SOX9: variants seen among roughly 807,000 people sequenced by gnomAD.
SOX9 encodes the protein transcription factor SOX-9.
SOX9 carries 2 observed loss-of-function variants against 44.8 expected under a neutral mutation model. The ratio of observed to expected loss-of-function variants is 0.04; its 90% CI spans 0.02 to 0.14. The LOEUF (loss-of-function observed/expected upper bound fraction) is 0.14, where lower values mean the gene tolerates loss of function less well. Among genes scored for constraint, SOX9 ranks in the 10% least tolerant of loss-of-function variants. The probability of loss-of-function intolerance (pLI) is 1.00; values close to 1 mark genes in which losing one functional copy is unlikely to be tolerated. For missense variants in SOX9, 583 were observed against 728.6 expected (o/e 0.80, Z 2.30); for synonymous variants, 381 against 331.8 (o/e 1.15, Z -1.61).
Position 72,124,023 on chromosome 17 carries a change from C to G in SOX9, c.1166C>G (p.Pro389Arg), listed in dbSNP as rs2143254947. 6.2e-7 allele frequency: 1 copy of G among 1,608,154 alleles called. No homozygotes were observed. Among genetic ancestry groups the G allele is most frequent in the Non-Finnish European group, 8.5e-7 (1 of 1,177,108 alleles). ...ACGCTGACCACGCTGAGCAGCGAGCCGGGCCAGTCCCAGCGAACGCACATC... is the reference window on the plus strand; with the variant it reads ...ACGCTGACCACGCTGAGCAGCGAGCGGGGCCAGTCCCAGCGAACGCACATC... ...AHTLTTLSSEPGQSQRTHIKT... is the reference protein window; with the variant it reads ...AHTLTTLSSERGQSQRTHIKT... The change falls in exon 3 of 3, where the codon CCG becomes CGG. Residue 389 changes from proline (P) to arginine (R), a missense_variant. Physicochemically the swap from Pro to Arg is moderately radical, Grantham distance 103. Transcript: ENST00000245479. This position sits in a 1 kb window ranked among gnomAD's most constrained non-coding sequence, Gnocchi z 4.6.
In SOX9 at chr17:72,121,528, C is replaced by T. The variant is rs1386891071; in HGVS notation, c.137C>T (p.Thr46Met). The T allele has an allele frequency of 6.2e-7, 1 of 1,608,928 alleles. No homozygotes were observed. Among genetic ancestry groups the T allele is most frequent in the Non-Finnish European group, 8.5e-7 (1 of 1,178,256 alleles). ...GGCTCCGGCTCGGACACCGAGAACA[C>T]GCGGCCCCAGGAGAACACGTTCCCC... is the stretch of plus-strand genomic sequence containing the variant. Reference protein sequence around the residue: ...PSGSGSDTENTRPQENTFPKG... With the variant: ...PSGSGSDTENMRPQENTFPKG... The change falls in exon 1 of 3, where the codon ACG (threonine) becomes ATG (methionine). Residue 46 changes from threonine to methionine, a missense_variant. By Grantham distance (81) the Thr-to-Met change is moderately conservative. Coordinates refer to ENST00000245479, the MANE Select transcript of SOX9 (RefSeq NM_000346.4). This position sits in a 1 kb window ranked among gnomAD's most constrained non-coding sequence, Gnocchi z 8.3.
rs780506015 is a variant in SOX9, at chr17:72,124,401, G to A, written c.*14G>A. On this transcript the variant is annotated 3_prime_UTR_variant, in exon 3 of 3. Transcript: ENST00000245479. The surrounding 1 kb of genome is among the most constrained non-coding windows in gnomAD (Gnocchi z 4.6). ...ACTCGACCTTGAGGAGGCCTCCCAC[G>A]AAGGGCGAAGATGGCCGAGATGATC... 2 of 1,599,878 alleles carry A rather than the reference G, an allele frequency of 1.3e-6. No individual in the cohort carries two copies. Among genetic ancestry groups the A allele is most frequent in the East Asian group, 2.2e-5 (1 of 44,872 alleles).
Position 72,122,964 on chromosome 17 carries a change from A to C in SOX9, c.677A>C (p.Glu226Ala). The C allele has an allele frequency of 6.2e-7, 1 of 1,613,404 alleles. No individual in the cohort carries two copies. Among genetic ancestry groups the C allele is most frequent in the Non-Finnish European group, 8.5e-7 (1 of 1,179,940 alleles). ...ATGAGCGAGGTGCACTCCCCCGGCG[A>C]GCACTCGGGTGAGTCGCCCCTCGAC... ...SGMSEVHSPGEHSGQSQGPPT... is the reference protein window; with the variant it reads ...SGMSEVHSPGAHSGQSQGPPT... Residue 226 changes from glutamate to alanine, a missense_variant, in exon 2 of 3, where the codon GAG (glutamate) becomes GCG (alanine). By Grantham distance (107) the Glu-to-Ala change is moderately radical. Coordinates refer to ENST00000245479, the MANE Select transcript of SOX9 (RefSeq NM_000346.4).
Position 72,122,199 on chromosome 17 carries a change from C to T in SOX9, c.431+377C>T, listed in dbSNP as rs545909648. On this transcript the variant is annotated intron_variant, in intron 1 of 2. Coordinates refer to ENST00000245479, the MANE Select transcript of SOX9 (RefSeq NM_000346.4). ...CCGGCCTCTTAAAACTGCACTCTCT[C>T]GTGCAGCCCCACTGTCCACGGAGAT... Among the ~76,000 whole-genome samples the T allele has an allele frequency of 1.0e-3, 158 of 152,056 alleles. 1 individual carries two copies. Among genetic ancestry groups the T allele is most frequent in the South Asian group, 0.01 (49 of 4,804 alleles).
At position 72,124,138 on chromosome 17, in the gene SOX9, C is replaced by T. The variant is rs1233957619; in HGVS notation, c.1281C>T (p.His427=). 1.9e-6 allele frequency: 3 copies of T among 1,613,780 alleles called. No individual in the cohort carries two copies. In the East Asian group the frequency reaches 6.7e-5, roughly 36 times the overall value. ...QIAYSPFNLP[H]YSPSYPPITR... Reference sequence around the variant, plus strand: ...CCTACAGCCCCTTCAACCTCCCACACTACAGCCCCTCCTACCCGCCCATCA... The same window carrying T: ...CCTACAGCCCCTTCAACCTCCCACATTACAGCCCCTCCTACCCGCCCATCA... Residue 427 remains histidine, a synonymous_variant, in exon 3 of 3, where the codon CAC becomes CAT. Transcript: ENST00000245479. This position sits in a 1 kb window ranked among gnomAD's most constrained non-coding sequence, Gnocchi z 4.6.
chr17:72,125,440 G>A lies in SOX9; in HGVS notation c.*1053G>A. On this transcript the variant is annotated 3_prime_UTR_variant, in exon 3 of 3. Coordinates refer to ENST00000245479, the MANE Select transcript of SOX9 (RefSeq NM_000346.4). The stretch of plus-strand genomic sequence containing the variant: ...GGCCCCATGTGGAAGGCAGATGCCT[G>A]CTCGCTCTGTCACCTGTGCCTCTCA... The A allele has an allele frequency of 4.4e-6, 1 of 229,834 alleles. No individual in the cohort carries two copies. The highest frequency in any genetic ancestry group is 2.2e-5 in the African/African-American group (1 of 45,186). 14.2% of individuals were successfully genotyped at this position (229,834 alleles called of 1,614,324 possible).
In SOX9 at chr17:72,122,929, C is replaced by G; in HGVS notation, c.642C>G (p.Ser214=). ...CGCTGCAGGCCGACTCGCCACACTC[C>G]TCCTCCGGCATGAGCGAGGTGCACT... ...FKALQADSPH[S]SSGMSEVHSP... is the part of the protein sequence containing the mutation. The change falls in exon 2 of 3, where the codon TCC becomes TCG. Residue 214 remains serine (S), a synonymous_variant. Transcript: ENST00000245479. 6.2e-7 allele frequency: 1 copy of G among 1,614,108 alleles called. No homozygotes were observed.
rs1360434009 is a variant in SOX9 at position 72,125,259 on chromosome 17, A to T, written c.*872A>T. The T allele has an allele frequency of 4.4e-6, 1 of 229,144 alleles. No homozygotes were observed. Among genetic ancestry groups the T allele is most frequent in the Non-Finnish European group, 8.7e-6 (1 of 115,406 alleles). 14.2% of individuals were successfully genotyped at this position (229,144 alleles called of 1,614,324 possible). A position where few individuals can be genotyped will look rare whatever the true frequency, so the allele number is the denominator to read the frequency against. On this transcript the variant is annotated 3_prime_UTR_variant, in exon 3 of 3. Coordinates refer to ENST00000245479, the MANE Select transcript of SOX9 (RefSeq NM_000346.4). The stretch of plus-strand genomic sequence containing the variant: ...AGCCTTAAAACGGTGCTGCTGGGAA[A>T]CATTTGCACTCTTTTAGTGCATTTC...
At position 72,122,959 on chromosome 17, in the gene SOX9, C is replaced by A. The variant is rs751227043; in HGVS notation, c.672C>A (p.Pro224=). ...SSSGMSEVHS[P]GEHSGQSQGP... ...CCGGCATGAGCGAGGTGCACTCCCCCGGCGAGCACTCGGGTGAGTCGCCCC... is the reference window on the plus strand; with the variant it reads ...CCGGCATGAGCGAGGTGCACTCCCCAGGCGAGCACTCGGGTGAGTCGCCCC... Residue 224 remains proline, a synonymous_variant, in exon 2 of 3, where the codon CCC becomes CCA. Coordinates refer to ENST00000245479, the MANE Select transcript of SOX9 (RefSeq NM_000346.4). 3 of 1,613,412 alleles carry A rather than the reference C, an allele frequency of 1.9e-6. No individual in the cohort carries two copies. The highest frequency in any genetic ancestry group is 2.5e-6 in the Non-Finnish European group (3 of 1,179,956).
At chr17:72,122,593 G>A in intron 1 of SOX9, 126 bp from the exon 2 acceptor site, 1 of 763,832 alleles carries the variant, frequency 1.3e-6, no homozygotes, top group Non-Finnish European at 2.2e-6. Context: ...AGGGAAGATG[G>A]AGTTGTGTGC....
chr17:72,121,640 C>A lies in SOX9; in HGVS notation c.249C>A (p.Gly83=), dbSNP rs1166872258. Reference sequence around the variant, plus strand: ...AGGCGGTCAGCCAGGTGCTCAAAGGCTACGACTGGACGCTGGTGCCCATGC... The same window carrying A: ...AGGCGGTCAGCCAGGTGCTCAAAGGATACGACTGGACGCTGGTGCCCATGC... ...IREAVSQVLK[G]YDWTLVPMPV... The change falls in exon 1 of 3, where the codon GGC becomes GGA. Residue 83 remains glycine (G), a synonymous_variant. Transcript: ENST00000245479. This position sits in a 1 kb window ranked among gnomAD's most constrained non-coding sequence, Gnocchi z 8.3. 23 of 1,600,744 alleles carry A rather than the reference C, an allele frequency of 1.4e-5. No homozygotes were observed. The highest frequency in any genetic ancestry group is 1.9e-5 in the Non-Finnish European group (22 of 1,174,106).
At position 72,124,262 on chromosome 17, in the gene SOX9, A is replaced by C. The variant is rs769269532; in HGVS notation, c.1405A>C (p.Met469Leu). ...GTGLYSTFTY[M>L]NPAQRPMYTP... ...CGGCCTCTACTCCACCTTCACCTAC[A>C]TGAACCCCGCTCAGCGCCCCATGTA... is the stretch of plus-strand genomic sequence containing the variant. Residue 469 changes from methionine (M) to leucine (L), a missense_variant, in exon 3 of 3, where the codon ATG becomes CTG. Met to Leu is a conservative substitution (Grantham distance 15). This residue lies in a region of SOX9 where 349 missense variants were observed against 387.0 expected (regional missense o/e 0.90). Transcript: ENST00000245479. The surrounding 1 kb of genome is among the most constrained non-coding windows in gnomAD (Gnocchi z 4.6). The C allele has an allele frequency of 1.2e-6, 2 of 1,612,534 alleles. No individual in the cohort carries two copies. The highest frequency in any genetic ancestry group is 4.5e-5 in the East Asian group (2 of 44,798).
Position 72,124,418 on chromosome 17 carries a change from G to A in SOX9, c.*31G>A, listed in dbSNP as rs1468245627. 3 of 1,598,370 alleles carry A rather than the reference G, an allele frequency of 1.9e-6. No homozygotes were observed. The highest frequency in any genetic ancestry group is 2.5e-6 in the Non-Finnish European group (3 of 1,178,832). ...CCTCCCACGAAGGGCGAAGATGGCCGAGATGATCCTAAAAATAACCGAAGA... is the reference window on the plus strand; with the variant it reads ...CCTCCCACGAAGGGCGAAGATGGCCAAGATGATCCTAAAAATAACCGAAGA... On this transcript the variant is annotated 3_prime_UTR_variant, in exon 3 of 3. Coordinates refer to ENST00000245479, the MANE Select transcript of SOX9 (RefSeq NM_000346.4). This position sits in a 1 kb window ranked among gnomAD's most constrained non-coding sequence, Gnocchi z 4.6.
At position 72,124,229 on chromosome 17, in the gene SOX9, C is replaced by A; in HGVS notation, c.1372C>A (p.Gln458Lys). 1 of 1,613,820 alleles carries A rather than the reference C, an allele frequency of 6.2e-7. No homozygotes were observed. Among genetic ancestry groups the A allele is most frequent in the Non-Finnish European group, 8.5e-7 (1 of 1,180,012 alleles). Reference sequence around the variant, plus strand: ...CTCCTACTACAGCCACGCGGCAGGCCAGGGCACCGGCCTCTACTCCACCTT... The same window carrying A: ...CTCCTACTACAGCCACGCGGCAGGCAAGGGCACCGGCCTCTACTCCACCTT... ...SSSYYSHAAG[Q>K]GTGLYSTFTY... The change falls in exon 3 of 3, where the codon CAG becomes AAG. Residue 458 changes from glutamine (Q) to lysine (K), a missense_variant. Gln to Lys is a moderately conservative substitution (Grantham distance 53). This residue lies in a region of SOX9 where 349 missense variants were observed against 387.0 expected (regional missense o/e 0.90). Transcript: ENST00000245479. This position sits in a 1 kb window ranked among gnomAD's most constrained non-coding sequence, Gnocchi z 4.6.
In SOX9 at chr17:72,124,112, G is replaced by T. The variant is rs1374439151; in HGVS notation, c.1255G>T (p.Ala419Ser). The change falls in exon 3 of 3, where the codon GCC becomes TCC. Residue 419 changes from alanine to serine, a missense_variant. Around this residue, in one of 7 missense-constraint regions of SOX9, gnomAD observed 349 missense variants for 387.0 expected, o/e 0.90. Coordinates refer to ENST00000245479, the MANE Select transcript of SOX9 (RefSeq NM_000346.4). The surrounding 1 kb of genome is among the most constrained non-coding windows in gnomAD (Gnocchi z 4.6). ...GCAGCAGCACTCGCCCCAACAGATCGCCTACAGCCCCTTCAACCTCCCACA... is the reference window on the plus strand; with the variant it reads ...GCAGCAGCACTCGCCCCAACAGATCTCCTACAGCCCCTTCAACCTCCCACA... ...EQQQHSPQQI[A>S]YSPFNLPHYS... 7 of 1,613,604 alleles carry T rather than the reference G, an allele frequency of 4.3e-6. No individual in the cohort carries two copies. Among genetic ancestry groups the T allele is most frequent in the Non-Finnish European group, 5.9e-6 (7 of 1,179,934 alleles).
rs1461299977 is a variant in SOX9, at chr17:72,123,271, C to T, written c.686-272C>T. ...CTCCCTTCTTCTCTGCTCCCCCACC[C>T]CAAAAGCACACACAGGGCTCTTACA... is the stretch of plus-strand genomic sequence containing the variant. On this transcript the variant is annotated intron_variant, in intron 2 of 2. Transcript: ENST00000245479. The surrounding 1 kb of genome is among the most constrained non-coding windows in gnomAD (Gnocchi z 6.5). Among the ~76,000 whole-genome samples the T allele has an allele frequency of 6.6e-6, 1 of 152,212 alleles. No individual in the cohort carries two copies. The highest frequency in any genetic ancestry group is 2.4e-5 in the African/African-American group (1 of 41,452).
Position 72,124,823 on chromosome 17 carries a change from T to G in SOX9, c.*436T>G. 2.8e-6 allele frequency: 1 copy of G among 354,950 alleles called. No homozygotes were observed. Among genetic ancestry groups the G allele is most frequent in the South Asian group, 3.8e-5 (1 of 26,520 alleles). The allele number at this position is 354,950 out of a possible 1,614,324, so 22.0% of individuals were successfully genotyped here. A position where few individuals can be genotyped will look rare whatever the true frequency, so the allele number is the denominator to read the frequency against. The stretch of plus-strand genomic sequence containing the variant: ...TCCTCTGTGAGGAATATTCTCTATT[T>G]TAAATATTTTTAGTATGTACTGTGT... On this transcript the variant is annotated 3_prime_UTR_variant, in exon 3 of 3. Coordinates refer to ENST00000245479, the MANE Select transcript of SOX9 (RefSeq NM_000346.4). The surrounding 1 kb of genome is among the most constrained non-coding windows in gnomAD (Gnocchi z 4.6).
At position 72,123,718 on chromosome 17, in the gene SOX9, G is replaced by A. The variant is rs2143251716; in HGVS notation, c.861G>A (p.Glu287=). The A allele has an allele frequency of 5.6e-6, 9 of 1,613,924 alleles. No individual in the cohort carries two copies. The highest frequency in any genetic ancestry group is 7.6e-6 in the Non-Finnish European group (9 of 1,179,908). Residue 287 remains glutamate, a synonymous_variant, in exon 3 of 3, where the codon GAG becomes GAA. Coordinates refer to ENST00000245479, the MANE Select transcript of SOX9 (RefSeq NM_000346.4). The surrounding 1 kb of genome is among the most constrained non-coding windows in gnomAD (Gnocchi z 6.5). The part of the protein sequence containing the change: ...ELSSDVISNI[E]TFDVNEFDQY... Reference sequence around the variant, plus strand: ...GCAGCGACGTCATCTCCAACATCGAGACCTTCGATGTCAACGAGTTTGACC... The same window carrying A: ...GCAGCGACGTCATCTCCAACATCGAAACCTTCGATGTCAACGAGTTTGACC...
At position 72,123,308 on chromosome 17, in the gene SOX9, T is replaced by C. The variant is rs938206173; in HGVS notation, c.686-235T>C. On this transcript the variant is annotated intron_variant, in intron 2 of 2. Coordinates refer to ENST00000245479, the MANE Select transcript of SOX9 (RefSeq NM_000346.4). This position sits in a 1 kb window ranked among gnomAD's most constrained non-coding sequence, Gnocchi z 6.5. ...ACAGGGCTCTTACACAAGTAGCAATTAGGTCTTCCGGACCCTCCGGGCCCC... is the reference window on the plus strand; with the variant it reads ...ACAGGGCTCTTACACAAGTAGCAATCAGGTCTTCCGGACCCTCCGGGCCCC... Among the ~76,000 whole-genome samples the C allele has an allele frequency of 6.6e-6, 1 of 152,160 alleles. No homozygotes were observed. Among genetic ancestry groups the C allele is most frequent in the Non-Finnish European group, 1.5e-5 (1 of 68,032 alleles).
Sources: gnomAD v4.1 joint callset for allele counts (sites outside exome capture counted in the v4.1 genomes callset) on GRCh38, gnomAD v4.1.1 for gene constraint, gnomAD v4.1.1 regional missense constraint, Gnocchi (gnomAD v3.1) non-coding constraint, MANE v1.5 for transcripts, NCBI Gene and HGNC (gene_info 2026-07-23, HGNC 2026-07-21) for gene names.